Variants in SSBP2 observed in about 807,000 individuals in gnomAD.
The protein encoded by SSBP2 is single-stranded DNA-binding protein 2.
Under a neutral mutation model 61.8 loss-of-function variants are expected in SSBP2, and 17 were observed. The ratio of observed to expected loss-of-function variants is 0.28; its 90% confidence interval spans 0.19 to 0.41. The LOEUF is 0.41. Ranked by LOEUF, SSBP2 falls within the 10% of genes least tolerant of loss-of-function variation. The pLI, the probability that SSBP2 is intolerant of heterozygous loss-of-function variation, is 1.00. For missense variants in SSBP2, 310 were observed against 458.7 expected (o/e 0.68, Z 2.96); for synonymous variants, 139 against 141.3 (o/e 0.98, Z 0.12).
intron 5 of SSBP2, among the ~76,000 whole-genome samples, chr5:81,491,755 T>C (rs776958975): frequency 2.6e-5 from 4 of 152,182 alleles, no homozygotes; most frequent in Non-Finnish European, 4.4e-5. Context: ...ACTCTAATCT[T>C]CACACAATTA....
At chr5:81,428,925 G>T (rs1762121327) in intron 15 of SSBP2, among the ~76,000 whole-genome samples, 1 of 151,848 alleles carries the variant, frequency 6.6e-6, no homozygotes, top group Non-Finnish European at 1.5e-5. Context: ...TATTTTCTTA[G>T]CTTCAGAATC....
chr5:81,647,495 C>T (rs748473845), intron 2 of SSBP2, among the ~76,000 whole-genome samples: 11 of 151,940 alleles, frequency 7.2e-5, no homozygotes, highest in Non-Finnish European at 1.5e-4. Context: ...ATTAATTTAG[C>T]CATTCCCCTA....
intron 12 of SSBP2, chr5:81,443,386 A>G (rs1763162531): frequency 6.6e-6 from 1 of 152,174 alleles, no homozygotes; most frequent in Non-Finnish European, 1.5e-5. Context: ...TAAAAAATTT[A>G]TATTTCATGT....
intron 4 of SSBP2, among the ~76,000 whole-genome samples, chr5:81,612,198 T>G (rs999629397): frequency 3.3e-5 from 5 of 152,140 alleles, no homozygotes; most frequent in Non-Finnish European, 7.4e-5. Flanking sequence ...AATTTTAGAA[T>G]GGCTGAAAAT....
chr5:81,603,343 T>C (rs1295289637), intron 4 of SSBP2, among the ~76,000 whole-genome samples: 1 of 152,150 alleles, frequency 6.6e-6, no homozygotes, highest in Non-Finnish European at 1.5e-5. Flanking sequence ...AATGGTGACA[T>C]GGTTTTAAGA....
At chr5:81,751,116 C>T, upstream of SSBP2, 1 of 1,460,456 alleles carries the variant, frequency 6.8e-7, no homozygotes, top group South Asian at 1.2e-5. Flanking sequence ...CAGCCCCGTC[C>T]CCATGGCGAC....
At chr5:81,720,949 T>C (rs755245444) in intron 1 of SSBP2, among the ~76,000 whole-genome samples, 2 of 152,216 alleles carry the variant, frequency 1.3e-5, no homozygotes, top group Non-Finnish European at 2.9e-5. Context: ...GTTTTCTTTT[T>C]ACTATATTGT....
intron 5 of SSBP2, among the ~76,000 whole-genome samples, chr5:81,501,723 C>T (rs1020472984): frequency 1.3e-5 from 2 of 151,656 alleles, no homozygotes; most frequent in African/African-American, 4.8e-5. Context: ...CCACCACGCC[C>T]GGCTAATTTT....
chr5:81,473,872 A>C (rs1487836421), intron 7 of SSBP2, 102 bp from the exon 8 acceptor site: 25 of 1,062,268 alleles, frequency 2.4e-5, no homozygotes, highest in Non-Finnish European at 3.2e-5. Flanking sequence ...ATTTACCAAG[A>C]GTCTGAGTAC....
At chr5:81,423,464 G>T (rs1225684111) in intron 16 of SSBP2, among the ~76,000 whole-genome samples, 3 of 152,190 alleles carry the variant, frequency 2.0e-5, no homozygotes, top group East Asian at 3.8e-4. Flanking sequence ...TGTTTCTGGG[G>T]CTGGGTGTGG....
intron 4 of SSBP2, among the ~76,000 whole-genome samples, chr5:81,607,804 G>A (rs1245637670): frequency 6.6e-6 from 1 of 152,064 alleles, no homozygotes; most frequent in African/African-American, 2.4e-5. Flanking sequence ...AACAGCTTTT[G>A]AATATCTTAG....
At chr5:81,742,786 G>T (rs543128256) in intron 1 of SSBP2, among the ~76,000 whole-genome samples, 1 of 152,266 alleles carries the variant, frequency 6.6e-6, no homozygotes, top group Admixed American at 6.5e-5. Flanking sequence ...TGAGGCAGGA[G>T]AATCGCTTGA....
chr5:81,600,188 T>G (rs972283140), intron 4 of SSBP2, among the ~76,000 whole-genome samples: 1 of 152,208 alleles, frequency 6.6e-6, no homozygotes, highest in Non-Finnish European at 1.5e-5. Flanking sequence ...TAATAATTTA[T>G]AGATATTTCT....
At position 81,744,332 on chromosome 5, in the gene SSBP2, T is replaced by C. The variant is rs145684555; in HGVS notation, c.62+6649A>G. Among the ~76,000 whole-genome samples the C allele has an allele frequency of 2.2e-3, 337 of 152,304 alleles. 2 individuals are homozygous for C. Among genetic ancestry groups the C allele is most frequent in the African/African-American group, 7.7e-3 (318 of 41,562 alleles). ...ATTAATAAAGTAGCTCTTGGTTTTT[T>C]CTCATCTAAAATAGACAAATAAAAG... is the stretch of plus-strand genomic sequence containing the variant. On this transcript the variant is annotated intron_variant, in intron 1 of 16. Coordinates refer to ENST00000320672, the MANE Select transcript of SSBP2 (RefSeq NM_012446.5).
At chr5:81,642,466 T>C (rs1251834912) in intron 2 of SSBP2, among the ~76,000 whole-genome samples, 1 of 152,248 alleles carries the variant, frequency 6.6e-6, no homozygotes, top group Non-Finnish European at 1.5e-5. Flanking sequence ...ATGAATATGC[T>C]GTTTTTATCA....
chr5:81,493,929 A>T (rs1272078698), intron 5 of SSBP2, among the ~76,000 whole-genome samples: 1 of 152,158 alleles, frequency 6.6e-6, no homozygotes, highest in Non-Finnish European at 1.5e-5. Flanking sequence ...CCACAAAGGC[A>T]CTGTTCTAAG....
At position 81,415,314 on chromosome 5, in the gene SSBP2, G is replaced by A. The variant is rs950912143; in HGVS notation, c.*5190C>T. Reference sequence around the variant, plus strand: ...CCGTATCCAAGGGAGACCGGTTCCAGGACCTCTGCAGATACCAAAATCCAC... The same window carrying A: ...CCGTATCCAAGGGAGACCGGTTCCAAGACCTCTGCAGATACCAAAATCCAC... On this transcript the variant is annotated 3_prime_UTR_variant, in exon 17 of 17. Coordinates refer to ENST00000320672, the MANE Select transcript of SSBP2 (RefSeq NM_012446.5). 6.6e-6 allele frequency: 1 copy of A among 152,154 alleles called. No homozygotes were observed. The highest frequency in any genetic ancestry group is 1.9e-4 in the East Asian group (1 of 5,204). 9.4% of individuals were successfully genotyped at this position (152,154 alleles called of 1,614,324 possible).
chr5:81,672,737 A>C (rs1309013472), intron 1 of SSBP2, among the ~76,000 whole-genome samples: 1 of 142,092 alleles, frequency 7.0e-6, no homozygotes, highest in Non-Finnish European at 1.6e-5. Flanking sequence ...ACATCCAGCT[A>C]ATTTTTTTGT....
rs149794674 is a variant in SSBP2 at position 81,459,121 on chromosome 5, C to T, written c.687+1934G>A. Reference sequence around the variant, plus strand: ...GCAGTTTGATGTGTACAGCTTTTACCCTAATTCCTTATGTTTCTCAGGGTC... The same window carrying T: ...GCAGTTTGATGTGTACAGCTTTTACTCTAATTCCTTATGTTTCTCAGGGTC... On this transcript the variant is annotated intron_variant, in intron 10 of 16. Transcript: ENST00000320672. 4.3e-3 allele frequency among the ~76,000 whole-genome samples: 660 copies of T among 152,198 alleles called. 4 individuals are homozygous for T. The highest frequency in any genetic ancestry group is 6.4e-3 in the Non-Finnish European group (437 of 67,996).
Sources: allele counts gnomAD v4.1 joint callset (sites outside exome capture counted in the v4.1 genomes callset), GRCh38; gene constraint gnomAD v4.1.1; transcripts MANE v1.5; gene names NCBI Gene and HGNC (gene_info 2026-07-23, HGNC 2026-07-21).